AFF1: variants seen among roughly 807,000 people sequenced by gnomAD.
AFF1 encodes the protein AF4/FMR2 family member 1.
Under a neutral mutation model 121.7 loss-of-function variants are expected in AFF1, and 48 were observed. The observed-to-expected ratio is 0.39, with a 90% CI of 0.31 to 0.50. The LOEUF (loss-of-function observed/expected upper bound fraction) is 0.50. Ranked by LOEUF, AFF1 falls within the 20% of genes least tolerant of loss-of-function variation. The pLI, the probability that AFF1 is intolerant of heterozygous loss-of-function variation, is 0.76. For synonymous variants in AFF1, 613 were observed against 563.0 expected (o/e 1.09, Z -1.26); for missense variants, 1,523 against 1,511.7 (o/e 1.01, Z -0.12).
chr4:87,102,189 AT>A (rs1394105778), intron 8 of AFF1, among the ~76,000 whole-genome samples: 1 of 152,202 alleles, frequency 6.6e-6, no homozygotes, highest in Non-Finnish European at 1.5e-5. Context: ...TACCTGAGCG[AT>A]TTGGCTTCTT....
chr4:87,049,827 G>T (rs1731099855), intron 4 of AFF1: 1 of 444,626 alleles, frequency 2.2e-6, no homozygotes, highest in Non-Finnish European at 4.5e-6. Context: ...CCCTTTGAGG[G>T]CAAATTAGGA....
At chr4:87,132,487 A>G in intron 19 of AFF1, 79 bp downstream of exon 19, 14 of 1,405,602 alleles carry the variant, frequency 1.0e-5, no homozygotes, top group East Asian at 2.6e-5. Context: ...AACCATTTGT[A>G]TGCTTACATA....
intron 4 of AFF1, among the ~76,000 whole-genome samples, chr4:87,081,089 C>A (rs1354348049): frequency 1.3e-5 from 2 of 149,574 alleles, no homozygotes; most frequent in African/African-American, 5.0e-5. Context: ...TTTGGGAAAT[C>A]TGGGTAAAAG....
At chr4:87,034,375 T>C (rs1729357947) in intron 2 of AFF1, among the ~76,000 whole-genome samples, 1 of 152,194 alleles carries the variant, frequency 6.6e-6, no homozygotes, top group Admixed American at 6.5e-5. Flanking sequence ...GTGGAGGGCT[T>C]TCAGCAGTGG....
In AFF1 at chr4:87,054,957, A is replaced by G. The variant is rs558695916; in HGVS notation, c.1059+7363A>G. Among the ~76,000 whole-genome samples the G allele has an allele frequency of 5.9e-5, 9 of 152,266 alleles. No individual in the cohort carries two copies. The South Asian group carries it at 1.0e-3, about 18-fold the overall frequency. ...AACTGGAGAATTTAGGAAAAAAATC[A>G]TTATTGGCTGAGTAGAGGCAATTTC... On this transcript the variant is annotated intron_variant, in intron 4 of 20. Coordinates refer to ENST00000395146, the MANE Select transcript of AFF1 (RefSeq NM_001166693.3).
intron 2 of AFF1, among the ~76,000 whole-genome samples, chr4:87,042,379 G>A (rs1451219614): frequency 6.6e-6 from 1 of 152,216 alleles, no homozygotes; most frequent in Non-Finnish European, 1.5e-5. Flanking sequence ...GCAACCCAGA[G>A]CAGGGGCTCA....
At chr4:86,963,245 C>T (rs1722278256) in intron 2 of AFF1, among the ~76,000 whole-genome samples, 2 of 149,316 alleles carry the variant, frequency 1.3e-5, no homozygotes, top group South Asian at 4.2e-4. Flanking sequence ...TACTTTTTAT[C>T]CTTTTAGGTT....
intron 2 of AFF1, among the ~76,000 whole-genome samples, chr4:87,001,396 T>G (rs1725714436): frequency 6.6e-6 from 1 of 151,844 alleles, no homozygotes; most frequent in African/African-American, 2.4e-5. Context: ...TTTTGTATTT[T>G]TAGTAGAGAC....
At chr4:86,993,831 A>G (rs2068918215) in intron 2 of AFF1, among the ~76,000 whole-genome samples, 1 of 152,094 alleles carries the variant, frequency 6.6e-6, no homozygotes, top group Non-Finnish European at 1.5e-5. Context: ...GGGCATGGTA[A>G]TGTGTGCCTG....
At position 86,982,222 on chromosome 4, in the gene AFF1, CAG is replaced by C. The variant is rs561299541; in HGVS notation, c.38+33657_38+33658del. ...AAACACTTTGTATTAGAGAAACTTGCAGAGAGATTTTACCACATTGAAGGAGC... is the reference window on the plus strand; with the variant it reads ...AAACACTTTGTATTAGAGAAACTTGCAGAGATTTTACCACATTGAAGGAGC... On this transcript the variant is annotated intron_variant, in intron 2 of 20. Coordinates refer to ENST00000395146, the MANE Select transcript of AFF1 (RefSeq NM_001166693.3). 3.6e-3 allele frequency among the ~76,000 whole-genome samples: 542 copies of C among 152,140 alleles called. 7 individuals carry two copies. The highest frequency in any genetic ancestry group is 0.013 in the African/African-American group (521 of 41,500).
rs1017186355 is a variant in AFF1 at position 87,047,441 on chromosome 4, G to T, written c.906G>T (p.Arg302=). 1 of 1,614,104 alleles carries T rather than the reference G, an allele frequency of 6.2e-7. No individual in the cohort carries two copies. The highest frequency in any genetic ancestry group is 1.1e-5 in the South Asian group (1 of 91,084). Residue 302 remains arginine (R), a synonymous_variant, in exon 4 of 21, where the codon CGG becomes CGT. Transcript: ENST00000395146. ...AGCAGAAGCCCACGGCTTATGTCCG[G>T]CCCATGGATGGTCAAGATCAGGCCC... ...AMQQKPTAYV[R]PMDGQDQAPS... is the part of the protein sequence containing the mutation.
intron 1 of AFF1, 54 bp downstream of exon 1, chr4:86,935,294 A>C (rs1218134364): frequency 6.6e-6 from 1 of 151,860 alleles, no homozygotes; most frequent in Non-Finnish European, 1.5e-5. Context: ...CCGGCCCCCG[A>C]CGCCGCCGCC....
intron 2 of AFF1, among the ~76,000 whole-genome samples, chr4:86,982,040 G>A (rs1723794077): frequency 6.6e-6 from 1 of 152,230 alleles, no homozygotes; most frequent in African/African-American, 2.4e-5. Flanking sequence ...CAGCACTGAA[G>A]TGAGATTCTG....
chr4:86,979,469 A>G (rs1375918337), intron 2 of AFF1, among the ~76,000 whole-genome samples: 3 of 152,230 alleles, frequency 2.0e-5, no homozygotes, highest in African/African-American at 7.2e-5. Flanking sequence ...TGTTGATTAG[A>G]TGAACTGATA....
intron 12 of AFF1, among the ~76,000 whole-genome samples, chr4:87,121,971 C>T (rs989604605): frequency 1.3e-5 from 2 of 152,198 alleles, no homozygotes; most frequent in African/African-American, 4.8e-5. Context: ...ACTATATGAA[C>T]AAAAATCAGC....
At chr4:87,048,348 A>G (rs1479968568) in intron 4 of AFF1, among the ~76,000 whole-genome samples, 4 of 152,218 alleles carry the variant, frequency 2.6e-5, no homozygotes, top group Non-Finnish European at 5.9e-5. Flanking sequence ...TTCTTTTTCT[A>G]CTGCATGGAT....
In AFF1 at chr4:87,134,586, C is replaced by A; in HGVS notation, c.3427C>A (p.Pro1143Thr). 2 of 1,614,146 alleles carry A rather than the reference C, an allele frequency of 1.2e-6. No individual in the cohort carries two copies. Among genetic ancestry groups the A allele is most frequent in the South Asian group, 2.2e-5 (2 of 91,074 alleles). The change falls in exon 20 of 21, where the codon CCA becomes ACA. Residue 1143 changes from proline to threonine, a missense_variant. Pro to Thr is a conservative substitution (Grantham distance 38). Coordinates refer to ENST00000395146, the MANE Select transcript of AFF1 (RefSeq NM_001166693.3). ...SSGVAATIST[P>T]VTIQNMTSSY... ...TGGGGTGGCTGCCACTATCAGCACCCCAGTCACCATCCAGAATATGACATC... is the reference window on the plus strand; with the variant it reads ...TGGGGTGGCTGCCACTATCAGCACCACAGTCACCATCCAGAATATGACATC...
chr4:86,954,711 A>G (rs1321892114), intron 2 of AFF1, among the ~76,000 whole-genome samples: 1 of 152,204 alleles, frequency 6.6e-6, no homozygotes, highest in African/African-American at 2.4e-5. Flanking sequence ...CCTGGGTGAC[A>G]GAGCAAGACC....
chr4:87,100,426 C>G (rs1239822049), intron 8 of AFF1, among the ~76,000 whole-genome samples: 4 of 152,094 alleles, frequency 2.6e-5, no homozygotes, highest in African/African-American at 9.7e-5. Context: ...ATGACTCTCC[C>G]CACAAGACTT....
Sources: allele counts gnomAD v4.1 joint callset (sites outside exome capture counted in the v4.1 genomes callset), GRCh38; gene constraint gnomAD v4.1.1; transcripts MANE v1.5; gene names NCBI Gene and HGNC (gene_info 2026-07-23, HGNC 2026-07-21).